The following PHF14 variants were observed in gnomAD, a reference collection of about 807,000 sequenced individuals.
PHF14 encodes PHD finger protein 14.
PHF14 carries 55 observed loss-of-function variants against 117.9 expected under a neutral mutation model. The observed-to-expected ratio is 0.47, with a 90% CI of 0.38 to 0.58. PHF14 has a LOEUF of 0.58. PHF14 is among the 20% of genes least tolerant of loss of function. The probability of loss-of-function intolerance (pLI) is 0.00; values close to 1 mark genes in which losing one functional copy is unlikely to be tolerated. For missense variants in PHF14, 978 were observed against 1,122.2 expected (o/e 0.87, Z 1.84); for synonymous variants, 409 against 368.6 (o/e 1.11, Z -1.26).
In PHF14 at chr7:11,157,467, G is replaced by C. The variant is rs188685977; in HGVS notation, c.2773-11949G>C. Among the ~76,000 whole-genome samples the C allele has an allele frequency of 1.1e-3, 168 of 151,370 alleles. 1 individual carries two copies. The highest frequency in any genetic ancestry group is 3.7e-3 in the African/African-American group (152 of 41,240). Reference sequence around the variant, plus strand: ...TTTATTCTTAATTCAGTGTGTCCTAGATCAAATGATGCTTCTATGGAGAAA... The same window carrying C: ...TTTATTCTTAATTCAGTGTGTCCTACATCAAATGATGCTTCTATGGAGAAA... On this transcript the variant is annotated intron_variant, in intron 17 of 17. Coordinates refer to ENST00000634607, the MANE Select transcript of PHF14 (RefSeq NM_001007157.2).
intron 17 of PHF14, among the ~76,000 whole-genome samples, chr7:11,144,048 G>T (rs550073195): frequency 6.6e-6 from 1 of 151,938 alleles, no homozygotes. Context: ...CAAATAGTCC[G>T]ATTTTAAAAA....
chr7:11,109,525 A>G (rs1242381869), intron 16 of PHF14: 6 of 151,898 alleles, frequency 4.0e-5, no homozygotes, highest in Non-Finnish European at 8.8e-5. Flanking sequence ...AGTTATTTAG[A>G]AATCTCAGCC....
At chr7:11,032,067 T>C (rs1784139390) in intron 7 of PHF14, among the ~76,000 whole-genome samples, 1 of 152,000 alleles carries the variant, frequency 6.6e-6, no homozygotes, top group Non-Finnish European at 1.5e-5. Flanking sequence ...GATTTTGAGA[T>C]GAGCCTGGGC....
chr7:11,134,394 A>G (rs1034647335), intron 17 of PHF14, among the ~76,000 whole-genome samples: 4 of 152,012 alleles, frequency 2.6e-5, no homozygotes, highest in Admixed American at 2.6e-4. Context: ...TTCATTTTAT[A>G]TTGTTTGCTA....
chr7:11,083,407 A>G (rs1297562562), intron 16 of PHF14, among the ~76,000 whole-genome samples: 2 of 150,362 alleles, frequency 1.3e-5, no homozygotes, highest in East Asian at 2.0e-4. Context: ...CCCACCCCGT[A>G]TCATCGTGAC....
At chr7:11,057,057 GACTT>G (rs1335967357) in intron 14 of PHF14, among the ~76,000 whole-genome samples, 3 of 151,914 alleles carry the variant, frequency 2.0e-5, no homozygotes, top group Non-Finnish European at 4.4e-5. Context: ...CACCATATGT[GACTT>G]ACTTTAATTA....
intron 16 of PHF14, among the ~76,000 whole-genome samples, chr7:11,085,014 T>C (rs555679241): frequency 1.3e-5 from 2 of 152,302 alleles, no homozygotes; most frequent in African/African-American, 4.8e-5. Flanking sequence ...GTTTTTGCTT[T>C]ATTGCTAATG....
rs569046200 is a variant in PHF14 at position 11,168,710 on chromosome 7, A to T, written c.2773-706A>T. 1.5e-3 allele frequency among the ~76,000 whole-genome samples: 223 copies of T among 152,330 alleles called. 2 individuals are homozygous for T. Among genetic ancestry groups the T allele is most frequent in the African/African-American group, 5.0e-3 (206 of 41,580 alleles). On this transcript the variant is annotated intron_variant, in intron 17 of 17. Coordinates refer to ENST00000634607, the MANE Select transcript of PHF14 (RefSeq NM_001007157.2). ...ACTTGGGTGTGTTGAAAGAACATGT[A>T]TGATGAGATGGGTTACAAATTGTAA...
At chr7:11,148,359 T>C (rs1788610211) in intron 17 of PHF14, among the ~76,000 whole-genome samples, 1 of 152,218 alleles carries the variant, frequency 6.6e-6, no homozygotes. Context: ...TGCTAATACA[T>C]GCTGTGCTCT....
chr7:11,093,338 AC>A (rs1178455352), intron 16 of PHF14, among the ~76,000 whole-genome samples: 1 of 152,216 alleles, frequency 6.6e-6, no homozygotes, highest in Admixed American at 6.5e-5. Flanking sequence ...TAGAATACTT[AC>A]GCCTGAAAAG....
At chr7:11,012,622 G>T (rs1292784649) in intron 4 of PHF14, among the ~76,000 whole-genome samples, 2 of 152,186 alleles carry the variant, frequency 1.3e-5, no homozygotes, top group Non-Finnish European at 2.9e-5. Flanking sequence ...CTACTCTAAA[G>T]TGTAAAGAGC....
intron 17 of PHF14, among the ~76,000 whole-genome samples, chr7:11,144,312 T>G (rs1047080837): frequency 6.6e-6 from 1 of 151,958 alleles, no homozygotes; most frequent in African/African-American, 2.4e-5. Context: ...TGGATGTTTC[T>G]CAAAAAAACT....
chr7:11,110,100 A>T (rs1288320063), intron 16 of PHF14: 1 of 151,926 alleles, frequency 6.6e-6, no homozygotes, highest in African/African-American at 2.4e-5. Flanking sequence ...TCTACTAAAA[A>T]TGTAGATTTA....
rs116070482 is a variant in PHF14, at chr7:11,093,215, G to A, written c.2655-18135G>A. ...GTTTAATTGCATCTTTAATATCTCC[G>A]TCATCCCAGAGTTTGTTCTGCTGAT... is the stretch of plus-strand genomic sequence containing the variant. On this transcript the variant is annotated intron_variant, in intron 16 of 17. Coordinates refer to ENST00000634607, the MANE Select transcript of PHF14 (RefSeq NM_001007157.2). 9.5e-3 allele frequency among the ~76,000 whole-genome samples: 1,452 copies of A among 152,106 alleles called. 21 individuals carry two copies. Among genetic ancestry groups the A allele is most frequent in the African/African-American group, 0.033 (1,374 of 41,468 alleles).
At chr7:11,064,002 A>G (rs544351712) in intron 16 of PHF14, among the ~76,000 whole-genome samples, 1 of 152,088 alleles carries the variant, frequency 6.6e-6, no homozygotes, top group East Asian at 1.9e-4. Flanking sequence ...TTAAGAAGAT[A>G]ATATCGTAAA....
intron 5 of PHF14, among the ~76,000 whole-genome samples, chr7:11,022,164 ACT>A (rs1386669714): frequency 1.3e-5 from 2 of 151,896 alleles, no homozygotes; most frequent in Non-Finnish European, 2.9e-5. Context: ...GTGTACTGAA[ACT>A]CTGAGCATTC....
intron 17 of PHF14, among the ~76,000 whole-genome samples, chr7:11,146,133 T>TTTA (rs996207512): frequency 3.3e-5 from 5 of 152,132 alleles, no homozygotes; most frequent in Non-Finnish European, 7.4e-5. Flanking sequence ...TTCACATATA[T>TTTA]TTATATACAT....
chr7:11,141,912 A>C (rs961583713), intron 17 of PHF14, among the ~76,000 whole-genome samples: 2 of 152,038 alleles, frequency 1.3e-5, no homozygotes, highest in African/African-American at 2.4e-5. Context: ...TGTGAGAGAA[A>C]AATACTAGCA....
At chr7:11,075,996 G>A (rs572172822) in intron 16 of PHF14, among the ~76,000 whole-genome samples, 84 of 152,098 alleles carry the variant, frequency 5.5e-4, no homozygotes, top group Non-Finnish European at 5.4e-4. Context: ...AAAATTAGCC[G>A]GGCATGGTGG....
Sources: gnomAD v4.1 joint callset for allele counts (sites outside exome capture counted in the v4.1 genomes callset) on GRCh38, gnomAD v4.1.1 for gene constraint, MANE v1.5 for transcripts, NCBI Gene and HGNC (gene_info 2026-07-23, HGNC 2026-07-21) for gene names.